COL28A1: variants seen among roughly 807,000 people sequenced by gnomAD.
COL28A1 encodes collagen type XXVIII alpha 1 chain.
COL28A1 carries 161 observed loss-of-function variants against 150.2 expected under a neutral mutation model. The observed-to-expected ratio is 1.07, with a 90% confidence interval of 0.94 to 1.22. The LOEUF is 1.22. Ranked by LOEUF, COL28A1 falls within the 50% of genes most tolerant of loss-of-function variation. COL28A1 has a pLI of 0.00. For synonymous variants in COL28A1, 552 were observed against 469.7 expected (o/e 1.18, Z -2.26); for missense variants, 1,617 against 1,388.3 (o/e 1.16, Z -2.62).
At chr7:7,403,377 C>G (rs1437141563) in intron 27 of COL28A1, among the ~76,000 whole-genome samples, 2 of 152,178 alleles carry the variant, frequency 1.3e-5, no homozygotes, top group Non-Finnish European at 2.9e-5. Context: ...ATGTCATAAA[C>G]TTAAAGAGGC....
intron 23 of COL28A1, 128 bp from the exon 24 acceptor site, chr7:7,432,828 T>C: frequency 1.5e-6 from 1 of 673,236 alleles, no homozygotes; most frequent in Non-Finnish European, 2.6e-6. Context: ...AATGACTTAT[T>C]GCTAGTACTT....
chr7:7,422,313 C>T (rs1160419993), intron 25 of COL28A1, among the ~76,000 whole-genome samples: 1 of 152,092 alleles, frequency 6.6e-6, no homozygotes, highest in Non-Finnish European at 1.5e-5. Context: ...TGTGCCCTTC[C>T]AAGATGAGGT....
Position 7,444,450 on chromosome 7 carries a change from C to T in COL28A1, c.1549G>A (p.Val517Ile). ...GSIGLPGQPG[V>I]PGEDGAAGKK... is the part of the protein sequence containing the mutation. Reference sequence around the variant, plus strand: ...CCTGCAGCTCCATCTTCTCCTGGTACTCCTGGTTGTCCTGGGAGCCCTATT... The same window carrying T: ...CCTGCAGCTCCATCTTCTCCTGGTATTCCTGGTTGTCCTGGGAGCCCTATT... The change falls in exon 19 of 35, where the codon GTA becomes ATA. Residue 517 changes from valine (V) to isoleucine (I), a missense_variant. Val to Ile is a conservative substitution (Grantham distance 29). Coordinates refer to ENST00000399429, the MANE Select transcript of COL28A1 (RefSeq NM_001037763.3). 1.2e-6 allele frequency: 2 copies of T among 1,613,998 alleles called. No individual in the cohort carries two copies. Among genetic ancestry groups the T allele is most frequent in the Non-Finnish European group, 1.7e-6 (2 of 1,179,982 alleles).
At chr7:7,542,208 C>G in the COL28A1 span, among the ~76,000 whole-genome samples, 512 of 152,126 alleles carry the variant, frequency 3.4e-3, 2 homozygotes, top group African/African-American at 0.012. Context: ...ATTAGCTGGG[C>G]GTGGTGGTGC....
intron 6 of COL28A1, among the ~76,000 whole-genome samples, chr7:7,518,323 G>C (rs530368144): frequency 2.0e-5 from 3 of 152,216 alleles, no homozygotes; most frequent in African/African-American, 7.2e-5. Context: ...AAAAAAAGAA[G>C]ACATGATAGC....
intron 18 of COL28A1, among the ~76,000 whole-genome samples, chr7:7,445,964 T>C (rs1423163840): frequency 2.0e-5 from 3 of 152,032 alleles, no homozygotes; most frequent in Non-Finnish European, 2.9e-5. Context: ...GTTCAAGTGA[T>C]TCTCCTGCCT....
At chr7:7,516,699 A>G (rs1410887398) in intron 7 of COL28A1, among the ~76,000 whole-genome samples, 1 of 152,226 alleles carries the variant, frequency 6.6e-6, no homozygotes, top group Non-Finnish European at 1.5e-5. Flanking sequence ...TTACAGTTAC[A>G]TGTGAGTCAG....
At chr7:7,513,957 T>C (rs1781288296) in intron 8 of COL28A1, among the ~76,000 whole-genome samples, 1 of 152,252 alleles carries the variant, frequency 6.6e-6, no homozygotes, top group South Asian at 2.1e-4. Context: ...ATCAGCTCTG[T>C]TCTCAGCCTC....
At chr7:7,424,768 C>G (rs1371524943) in intron 25 of COL28A1, among the ~76,000 whole-genome samples, 1 of 152,006 alleles carries the variant, frequency 6.6e-6, no homozygotes, top group African/African-American at 2.4e-5. Context: ...TCCTCTTGGC[C>G]CGCCAAAGGG....
chr7:7,535,075 T>C (rs985877086), intron 1 of COL28A1, among the ~76,000 whole-genome samples: 1 of 152,152 alleles, frequency 6.6e-6, no homozygotes, highest in Non-Finnish European at 1.5e-5. Flanking sequence ...CCTTTCTCTC[T>C]TTCTGATGTC....
At chr7:7,404,394 T>C (rs1009397848) in intron 27 of COL28A1, among the ~76,000 whole-genome samples, 8 of 152,032 alleles carry the variant, frequency 5.3e-5, no homozygotes, top group African/African-American at 1.2e-4. Flanking sequence ...CATTTCACTC[T>C]GAGGGAAAGC....
At chr7:7,532,309 C>G (rs1174257907) in intron 2 of COL28A1, among the ~76,000 whole-genome samples, 1 of 151,694 alleles carries the variant, frequency 6.6e-6, no homozygotes, top group South Asian at 2.1e-4. Flanking sequence ...TTTTTTTAAA[C>G]TTTCTTGAAA....
chr7:7,485,057 C>G (rs1779548350), intron 13 of COL28A1, among the ~76,000 whole-genome samples: 1 of 152,048 alleles, frequency 6.6e-6, no homozygotes, highest in African/African-American at 2.4e-5. Context: ...GAAATAATCT[C>G]TACACCAAAC....
chr7:7,505,917 C>T, intron 11 of COL28A1, 97 bp downstream of exon 11: 1 of 777,762 alleles, frequency 1.3e-6, no homozygotes, highest in Non-Finnish European at 2.3e-6. Flanking sequence ...GGTACTTCCT[C>T]AAAGAATCCA....
chr7:7,410,951 C>T lies in COL28A1; in HGVS notation c.2136+6908G>A, dbSNP rs1783756739. ...AACGAATAAATCGTTTCTATTTGGC[C>T]TTCAAGCATGGCAATTTTCTGTGCT... On this transcript the variant is annotated intron_variant, in intron 27 of 34. Transcript: ENST00000399429. 3.3e-5 allele frequency among the ~76,000 whole-genome samples: 5 copies of T among 152,176 alleles called. No individual in the cohort carries two copies. In the South Asian group the frequency reaches 1.0e-3, roughly 32 times the overall value.
rs973737362 is a variant in COL28A1, at chr7:7,439,379, C to A, written c.1722+1411G>T. ...GAAACACAAAAAAACCCCATCCAAG[C>A]CTTTGACAAAGGAACAGAACATGAA... On this transcript the variant is annotated intron_variant, in intron 21 of 34. Coordinates refer to ENST00000399429, the MANE Select transcript of COL28A1 (RefSeq NM_001037763.3). 3.3e-5 allele frequency among the ~76,000 whole-genome samples: 5 copies of A among 152,188 alleles called. No individual in the cohort carries two copies. In the Middle Eastern group the frequency reaches 0.014, roughly 414 times the overall value.
chr7:7,516,019 TGAG>T (rs1781396634), intron 7 of COL28A1, among the ~76,000 whole-genome samples, 179 bp from the exon 8 acceptor site: 2 of 152,360 alleles, frequency 1.3e-5, no homozygotes, highest in South Asian at 4.1e-4. Flanking sequence ...ATACATTTAC[TGAG>T]GAGAAGAAAA....
At chr7:7,522,914 T>C (rs537669002) in intron 4 of COL28A1, among the ~76,000 whole-genome samples, 43 of 151,096 alleles carry the variant, frequency 2.8e-4, no homozygotes, top group Admixed American at 1.8e-3. Flanking sequence ...CATCCTGGGC[T>C]GCATGTAGCC....
chr7:7,379,370 T>G (rs2128287900), intron 30 of COL28A1, among the ~76,000 whole-genome samples: 1 of 152,306 alleles, frequency 6.6e-6, no homozygotes, highest in African/African-American at 2.4e-5. Flanking sequence ...TCCCTACTTC[T>G]AAGGTCTCTG....
Sources: gnomAD v4.1 joint callset for allele counts (sites outside exome capture counted in the v4.1 genomes callset) on GRCh38, gnomAD v4.1.1 for gene constraint, MANE v1.5 for transcripts, NCBI Gene and HGNC (gene_info 2026-07-23, HGNC 2026-07-21) for gene names.